Variants in MAPKAPK5 observed in about 807,000 individuals in gnomAD.
MAPKAPK5 encodes the protein MAPK activated protein kinase 5, also known as MAP kinase-activated protein kinase 5.
MAPKAPK5 carries 30 observed loss-of-function variants against 65.1 expected under a neutral mutation model. The observed-to-expected ratio is 0.46, with a 90% CI of 0.34 to 0.63. The LOEUF (loss-of-function observed/expected upper bound fraction) is 0.63, where lower values mean the gene tolerates loss of function less well. Among genes scored for constraint, MAPKAPK5 ranks in the 20% least tolerant of loss-of-function variants. The probability of loss-of-function intolerance (pLI) is 0.01; values close to 1 mark genes in which losing one functional copy is unlikely to be tolerated. For synonymous variants in MAPKAPK5, 179 were observed against 204.6 expected, an observed-to-expected ratio of 0.87 and a Z score of 1.07; for missense variants, 433 against 581.4, an observed-to-expected ratio of 0.74 and a Z score of 2.63.
intron 1 of MAPKAPK5, among the ~76,000 whole-genome samples, chr12:111,849,899 T>C (rs562940298): frequency 1.5e-3 from 223 of 152,026 alleles, no homozygotes; most frequent in Non-Finnish European, 2.3e-3. Flanking sequence ...ATAACTTTTT[T>C]TTTTGTAGAG....
chr12:111,845,649 C>T lies in MAPKAPK5; in HGVS notation c.36+2880C>T, dbSNP rs138189826. Reference sequence around the variant, plus strand: ...CTTATAATAATACCTAGGCCAGGCACGGTGGCTCACACCTGTAATCCCAGC... The same window carrying T: ...CTTATAATAATACCTAGGCCAGGCATGGTGGCTCACACCTGTAATCCCAGC... On this transcript the variant is annotated intron_variant, in intron 1 of 13. Coordinates refer to ENST00000550735, the MANE Select transcript of MAPKAPK5 (RefSeq NM_003668.4). Among the ~76,000 whole-genome samples the T allele has an allele frequency of 2.7e-3, 409 of 152,178 alleles. 6 individuals carry two copies. The highest frequency in any genetic ancestry group is 9.6e-3 in the African/African-American group (398 of 41,528).
intron 1 of MAPKAPK5, 175 bp downstream of exon 1, chr12:111,842,944 G>GGGTGTA (rs2068768841): frequency 2.2e-6 from 1 of 451,930 alleles, no homozygotes; most frequent in Non-Finnish European, 3.3e-6. Flanking sequence ...TTATGGGTGT[G>GGGTGTA]GGTGTAGGTG....
chr12:111,901,235 C>G lies in MAPKAPK5; in HGVS notation c.*8174C>G, dbSNP rs528320270. On this transcript the variant is annotated 3_prime_UTR_variant, in exon 14 of 14. Transcript: ENST00000550735. ...TGAATTCCGCCTGCACAGATAAAACCCCAGTGATTTCTGCCTGCAACCCAG... is the reference window on the plus strand; with the variant it reads ...TGAATTCCGCCTGCACAGATAAAACGCCAGTGATTTCTGCCTGCAACCCAG... 1.3e-5 allele frequency: 6 copies of G among 455,874 alleles called. No individual in the cohort carries two copies. Among genetic ancestry groups the G allele is most frequent in the Non-Finnish European group, 2.6e-5 (6 of 226,792 alleles). 28.2% of individuals were successfully genotyped at this position (455,874 alleles called of 1,614,324 possible).
intron 1 of MAPKAPK5, among the ~76,000 whole-genome samples, chr12:111,855,455 T>C (rs899033538): frequency 2.0e-5 from 3 of 152,258 alleles, no homozygotes. Flanking sequence ...TTTTGGCAAA[T>C]TGTGTTTGCA....
Position 111,842,658 on chromosome 12 carries a change from T to G in MAPKAPK5, c.-76T>G. 1 of 1,178,896 alleles carries G rather than the reference T, an allele frequency of 8.5e-7. No individual in the cohort carries two copies. Among genetic ancestry groups the G allele is most frequent in the Non-Finnish European group, 1.1e-6 (1 of 912,516 alleles). 73.0% of individuals were successfully genotyped at this position (1,178,896 alleles called of 1,614,324 possible). On this transcript the variant is annotated 5_prime_UTR_variant, in exon 1 of 14. Transcript: ENST00000550735. ...GCCCAGGGGCCCGAGTGCCGAGCCC[T>G]TTGCTCCCTCGGCCGCGCGGGGACA...
intron 7 of MAPKAPK5, among the ~76,000 whole-genome samples, chr12:111,879,132 T>A (rs1838914135): frequency 6.6e-6 from 1 of 152,150 alleles, no homozygotes; most frequent in East Asian, 1.9e-4. Flanking sequence ...TGATATTGAG[T>A]CTTCTGACCT....
intron 1 of MAPKAPK5, among the ~76,000 whole-genome samples, chr12:111,850,285 C>T (rs7135919): frequency 0.2 from 29,753 of 152,138 alleles, 3,128 homozygotes; most frequent in Middle Eastern, 0.27. Context: ...CATCGGCCTC[C>T]CAAAGTGCTG....
At chr12:111,867,283 A>G (rs2069645541) in intron 3 of MAPKAPK5, among the ~76,000 whole-genome samples, 1 of 152,240 alleles carries the variant, frequency 6.6e-6, no homozygotes, top group African/African-American at 2.4e-5. Flanking sequence ...AACATGTGCA[A>G]TGAAGGACTT....
In MAPKAPK5 at chr12:111,899,939, C is replaced by T. The variant is rs994451705; in HGVS notation, c.*6878C>T. On this transcript the variant is annotated 3_prime_UTR_variant, in exon 14 of 14. Transcript: ENST00000550735. Reference sequence around the variant, plus strand: ...CTCATGATCTACAGGCACTGTCCTACTTGTGGTCACACAAAAAGTACGTGG... The same window carrying T: ...CTCATGATCTACAGGCACTGTCCTATTTGTGGTCACACAAAAAGTACGTGG... 1 of 456,110 alleles carries T rather than the reference C, an allele frequency of 2.2e-6. No individual in the cohort carries two copies. The highest frequency in any genetic ancestry group is 1.5e-5 in the South Asian group (1 of 64,560). The allele number at this position is 456,110 out of a possible 1,614,324, so 28.3% of individuals were successfully genotyped here.
At chr12:111,854,343 C>T (rs12313385) in intron 1 of MAPKAPK5, among the ~76,000 whole-genome samples, 1 of 151,432 alleles carries the variant, frequency 6.6e-6, no homozygotes, top group Admixed American at 6.6e-5. Flanking sequence ...CCTGGTTCAA[C>T]TGATTATTTT....
In MAPKAPK5 at chr12:111,899,675, G is replaced by A. The variant is rs911082465; in HGVS notation, c.*6614G>A. ...ACAATGGCCTCCTGGGGCAAGAATC[G>A]CCTTTCATCTCACATGACTGCCACT... is the stretch of plus-strand genomic sequence containing the variant. On this transcript the variant is annotated 3_prime_UTR_variant, in exon 14 of 14. Transcript: ENST00000550735. The A allele has an allele frequency of 3.1e-5, 9 of 290,578 alleles. No homozygotes were observed. The highest frequency in any genetic ancestry group is 1.1e-4 in the African/African-American group (5 of 45,788). The allele number at this position is 290,578 out of a possible 1,614,324, so 18.0% of individuals were successfully genotyped here.
At chr12:111,889,080 A>T in intron 12 of MAPKAPK5, 80 bp downstream of exon 12, 1 of 1,437,872 alleles carries the variant, frequency 7.0e-7, no homozygotes, top group South Asian at 1.3e-5. Flanking sequence ...ATGCATGCAC[A>T]TGGCAAAAGG....
chr12:111,857,496 C>T (rs1318222813), intron 1 of MAPKAPK5, among the ~76,000 whole-genome samples: 1 of 152,010 alleles, frequency 6.6e-6, no homozygotes, highest in East Asian at 1.9e-4. Flanking sequence ...CAGGTGATCC[C>T]TCCCATCTTG....
At chr12:111,847,081 C>T (rs530561922) in intron 1 of MAPKAPK5, among the ~76,000 whole-genome samples, 4 of 152,056 alleles carry the variant, frequency 2.6e-5, no homozygotes, top group Admixed American at 1.3e-4. Context: ...GTGGCTTACG[C>T]TTGTAATCCC....
chr12:111,882,452 G>T (rs967138122), intron 8 of MAPKAPK5, among the ~76,000 whole-genome samples: 7 of 152,242 alleles, frequency 4.6e-5, no homozygotes, highest in African/African-American at 1.7e-4. Context: ...CCGCACAGCT[G>T]TGGTGTGAGG....
In MAPKAPK5 at chr12:111,901,870, A is replaced by C. The variant is rs2071078168; in HGVS notation, c.*8809A>C. The stretch of plus-strand genomic sequence containing the variant: ...CTTTTATTATTTATTTTGGTAATTA[A>C]ATTTACATTAATTTAATATGTTAAA... On this transcript the variant is annotated 3_prime_UTR_variant, in exon 14 of 14. Transcript: ENST00000550735. 1 of 154,172 alleles carries C rather than the reference A, an allele frequency of 6.5e-6. No homozygotes were observed. Among genetic ancestry groups the C allele is most frequent in the Admixed American group, 6.4e-5 (1 of 15,538 alleles). 9.6% of individuals were successfully genotyped at this position (154,172 alleles called of 1,614,324 possible). A position where few individuals can be genotyped will look rare whatever the true frequency, so the allele number is the denominator to read the frequency against.
intron 10 of MAPKAPK5, among the ~76,000 whole-genome samples, chr12:111,887,423 G>A (rs768002188): frequency 6.6e-6 from 1 of 152,202 alleles, no homozygotes; most frequent in African/African-American, 2.4e-5. Flanking sequence ...TGTAATCCCA[G>A]CAGTTTTGAG....
chr12:111,865,194 T>G (rs2136103877), intron 1 of MAPKAPK5, 56 bp from the exon 2 acceptor site: 2 of 1,113,800 alleles, frequency 1.8e-6, no homozygotes, highest in East Asian at 5.1e-5. Flanking sequence ...CTCTGCTTAT[T>G]CAGTTTGTTA....
intron 1 of MAPKAPK5, chr12:111,843,183 A>G: frequency 2.5e-6 from 1 of 398,684 alleles, no homozygotes; most frequent in Non-Finnish European, 4.4e-6. Flanking sequence ...GTTTGAAATC[A>G]GCCTTCTGGA....
Sources: allele counts gnomAD v4.1 joint callset (sites outside exome capture counted in the v4.1 genomes callset), GRCh38; gene constraint gnomAD v4.1.1; transcripts MANE v1.5; gene names NCBI Gene and HGNC (gene_info 2026-07-23, HGNC 2026-07-21).